CACNA1S: variants seen among roughly 807,000 people sequenced by gnomAD.
CACNA1S encodes the protein calcium voltage-gated channel subunit alpha1 S, also known as voltage-dependent L-type calcium channel subunit alpha-1S.
A neutral mutation model predicts 207.4 loss-of-function variants in CACNA1S; 126 were observed. The observed-to-expected ratio is 0.61, with a 90% CI of 0.53 to 0.70. CACNA1S has a LOEUF of 0.70. CACNA1S is among the 30% of genes least tolerant of loss of function. The pLI, the probability that CACNA1S is intolerant of heterozygous loss-of-function variation, is 0.00. For synonymous variants in CACNA1S, 960 were observed against 932.7 expected (o/e 1.03, Z -0.53); for missense variants, 2,349 against 2,422.8 (o/e 0.97, Z 0.64).
rs1660208553 is a variant in CACNA1S, at chr1:201,041,561, C to T, written c.5077G>A (p.Glu1693Lys). The T allele has an allele frequency of 1.2e-6, 2 of 1,614,138 alleles. No homozygotes were observed. Among genetic ancestry groups the T allele is most frequent in the Non-Finnish European group, 1.7e-6 (2 of 1,179,966 alleles). Residue 1693 changes from glutamate (E) to lysine (K), a missense_variant, in exon 41 of 44, where the codon GAG (glutamate) becomes AAG (lysine). Physicochemically the swap from Glu to Lys is moderately conservative, Grantham distance 56. Transcript: ENST00000362061. ...SVHYEREFPE[E>K]TETPATRGRA... is the part of the protein sequence containing the mutation. ...CCTCTGGTAGCAGGCGTCTCTGTCT[C>T]TTCTGGGAACTCCCTTTCATAGTGG...
rs200091030 is a variant in CACNA1S at position 201,075,598 on chromosome 1, G to A, written c.1845C>T (p.Asp615=). The A allele has an allele frequency of 7.9e-5, 128 of 1,614,142 alleles. 1 individual carries two copies. The Middle Eastern group carries it at 8.2e-4, about 10-fold the overall frequency. Residue 615 remains aspartate (D), a synonymous_variant, in exon 13 of 44, where the codon GAC becomes GAT. Coordinates refer to ENST00000362061, the MANE Select transcript of CACNA1S (RefSeq NM_000069.3). ...ISVFQVLTGE[D]WTSMMYNGIM... ...TCCCATTGTACATCATTGAGGTCCA[G>A]TCTTCCCCTGTCAGTACCTGTATGG...
chr1:201,053,704 C>A lies in CACNA1S; in HGVS notation c.3667-117G>T. 1.9e-6 allele frequency: 2 copies of A among 1,069,700 alleles called. No individual in the cohort carries two copies. Among genetic ancestry groups the A allele is most frequent in the Admixed American group, 2.1e-5 (1 of 48,126 alleles). The allele number at this position is 1,069,700 out of a possible 1,614,324, so 66.3% of individuals were successfully genotyped here. ...GGGAGATGTTTGTGGCATGGAGGAA[C>A]TCCAGCCCCGCCTCTGGCCCCTGCT... On this transcript the variant is annotated intron_variant, in intron 29 of 43. Coordinates refer to ENST00000362061, the MANE Select transcript of CACNA1S (RefSeq NM_000069.3). The surrounding 1 kb of genome is among the most constrained non-coding windows in gnomAD (Gnocchi z 5.1).
intron 2 of CACNA1S, among the ~76,000 whole-genome samples, chr1:201,097,208 C>T (rs1021057702): frequency 6.6e-6 from 1 of 152,160 alleles, no homozygotes; most frequent in Non-Finnish European, 1.5e-5. Flanking sequence ...CCACCGCCAC[C>T]CACGTCTCCT....
intron 10 of CACNA1S, among the ~76,000 whole-genome samples, chr1:201,082,345 G>A (rs1000271942): frequency 1.3e-4 from 19 of 151,884 alleles, no homozygotes; most frequent in Non-Finnish European, 2.1e-4. Context: ...TTTTTTTATA[G>A]CAACACAAGA....
At chr1:201,054,945 G>A (rs1480016762) in intron 28 of CACNA1S, among the ~76,000 whole-genome samples, 1 of 152,204 alleles carries the variant, frequency 6.6e-6, no homozygotes, top group Non-Finnish European at 1.5e-5. Context: ...CCTGCTCATT[G>A]TAAATGGATT....
At chr1:201,077,257 A>G in intron 11 of CACNA1S, 130 bp from the exon 12 acceptor site, 1 of 749,566 alleles carries the variant, frequency 1.3e-6, no homozygotes, top group Non-Finnish European at 2.4e-6. Context: ...TCACTGCTGG[A>G]AGACCCTGGA....
At chr1:201,067,050 C>A in intron 19 of CACNA1S, 57 bp from the exon 20 acceptor site, 2 of 1,176,500 alleles carry the variant, frequency 1.7e-6, no homozygotes, top group East Asian at 2.4e-5. Context: ...GGCCTGTCTC[C>A]CACAGACAAG....
chr1:201,047,268 G>A, intron 37 of CACNA1S, 29 bp from the exon 38 acceptor site: 2 of 1,614,102 alleles, frequency 1.2e-6, no homozygotes, highest in Middle Eastern at 1.7e-4. Flanking sequence ...GAGATGCCCT[G>A]AAGGCTAGTG....
chr1:201,098,423 T>C (rs995052344), intron 2 of CACNA1S, among the ~76,000 whole-genome samples: 1 of 152,208 alleles, frequency 6.6e-6, no homozygotes, highest in African/African-American at 2.4e-5. Flanking sequence ...AAATCCCAGC[T>C]GGCACACACA....
intron 2 of CACNA1S, among the ~76,000 whole-genome samples, chr1:201,097,087 G>T (rs556489882): frequency 6.6e-6 from 1 of 151,762 alleles, no homozygotes; most frequent in Non-Finnish European, 1.5e-5. Flanking sequence ...TGCTCTCCCC[G>T]GGTCCCAGTG....
At chr1:201,100,527 C>T (rs1662613352) in intron 2 of CACNA1S, among the ~76,000 whole-genome samples, 1 of 152,226 alleles carries the variant, frequency 6.6e-6, no homozygotes, top group Admixed American at 6.5e-5. Flanking sequence ...CCTTGCCATC[C>T]TACCTCTGTC....
intron 2 of CACNA1S, among the ~76,000 whole-genome samples, chr1:201,103,137 G>A (rs2102180705): frequency 6.6e-6 from 1 of 152,044 alleles, no homozygotes; most frequent in South Asian, 2.1e-4. Context: ...TTCCAGCTAT[G>A]CGGGAGGCTG....
chr1:201,070,381 C>T lies in CACNA1S; in HGVS notation c.2251G>A (p.Glu751Lys). The part of the protein sequence containing the change: ...FPGDDEEDEP[E>K]IPLSPRPRPL... ...CGTGGTCGGGGGCTCAGCGGGATCTCAGGCTCATCTTCCTCGTCATCCCCT... is the reference window on the plus strand; with the variant it reads ...CGTGGTCGGGGGCTCAGCGGGATCTTAGGCTCATCTTCCTCGTCATCCCCT... The change falls in exon 17 of 44, where the codon GAG becomes AAG. Residue 751 changes from glutamate to lysine, a missense_variant. By Grantham distance (56) the Glu-to-Lys change is moderately conservative. Coordinates refer to ENST00000362061, the MANE Select transcript of CACNA1S (RefSeq NM_000069.3). 1 of 1,614,064 alleles carries T rather than the reference C, an allele frequency of 6.2e-7. No homozygotes were observed. Among genetic ancestry groups the T allele is most frequent in the Non-Finnish European group, 8.5e-7 (1 of 1,179,998 alleles).
At chr1:201,089,762 T>C in intron 5 of CACNA1S, among the ~76,000 whole-genome samples, 1 of 152,168 alleles carries the variant, frequency 6.6e-6, no homozygotes, top group East Asian at 1.9e-4. Context: ...AATCTGAGTG[T>C]CATTTGTCCC....
intron 2 of CACNA1S, among the ~76,000 whole-genome samples, chr1:201,094,538 G>A (rs944747455): frequency 6.6e-6 from 1 of 152,028 alleles, no homozygotes; most frequent in Non-Finnish European, 1.5e-5. Flanking sequence ...GTGGTTTCTG[G>A]CTTTGGCACC....
chr1:201,061,520 G>C, intron 24 of CACNA1S, 52 bp from the exon 25 acceptor site: 1 of 1,551,036 alleles, frequency 6.4e-7, no homozygotes, highest in South Asian at 1.1e-5. Flanking sequence ...ACAAGGCAGA[G>C]AGTCAGGCTG....
intron 2 of CACNA1S, among the ~76,000 whole-genome samples, chr1:201,099,866 T>A (rs185564641): frequency 1.6e-4 from 24 of 152,280 alleles, no homozygotes; most frequent in Admixed American, 9.8e-4. Context: ...GGCTTTTGTT[T>A]TTCAAAGCCT....
At chr1:201,051,860 C>A (rs187371919) in intron 32 of CACNA1S, among the ~76,000 whole-genome samples, 1 of 152,128 alleles carries the variant, frequency 6.6e-6, no homozygotes, top group East Asian at 1.9e-4. Context: ...AGAGCTGGGG[C>A]GAGGTGGGAA....
chr1:201,070,752 G>A (rs10920104), intron 16 of CACNA1S, among the ~76,000 whole-genome samples: 1 of 152,188 alleles, frequency 6.6e-6, no homozygotes, highest in South Asian at 2.1e-4. Flanking sequence ...TGCTTCAGAA[G>A]AAGAGACCTG....
Sources: allele counts gnomAD v4.1 joint callset (sites outside exome capture counted in the v4.1 genomes callset), GRCh38; gene constraint gnomAD v4.1.1; non-coding constraint Gnocchi (gnomAD v3.1); transcripts MANE v1.5; gene names NCBI Gene and HGNC (gene_info 2026-07-23, HGNC 2026-07-21).